Variants in SLC2A9 observed in about 807,000 individuals in gnomAD.
SLC2A9 encodes solute carrier family 2 member 9.
A neutral mutation model predicts 50.6 loss-of-function variants in SLC2A9; 39 were observed. The observed-to-expected ratio is 0.77, with a 90% confidence interval of 0.60 to 1.01. The LOEUF (loss-of-function observed/expected upper bound fraction) is 1.01. Ranked by LOEUF, SLC2A9 falls within the 50% of genes least tolerant of loss-of-function variation. The pLI is 0.00. For missense variants in SLC2A9, 686 were observed against 677.6 expected (o/e 1.01, Z -0.14); for synonymous variants, 324 against 276.9 (o/e 1.17, Z -1.69).
chr4:9,981,195 GTCATGATGGTGATGATGATGA>G (rs1755719697), intron 4 of SLC2A9, among the ~76,000 whole-genome samples: 2 of 19,316 alleles, frequency 1.0e-4, no homozygotes, highest in African/African-American at 1.9e-4. Context: ...GGTAGTGATG[GTCATGATGGTGATGATGATGA>G]TGGTGGTGGT....
intron 6 of SLC2A9, among the ~76,000 whole-genome samples, chr4:9,929,041 C>G (rs1745415275): frequency 6.6e-6 from 1 of 152,232 alleles, no homozygotes; most frequent in Non-Finnish European, 1.5e-5. Context: ...CCAGCCTTGT[C>G]ACCTGCTTCT....
chr4:9,786,875 G>A (rs1291350746), intron 3 of SLC2A9, among the ~76,000 whole-genome samples: 6 of 152,134 alleles, frequency 3.9e-5, no homozygotes, highest in East Asian at 1.9e-4. Context: ...GCCATCTTGC[G>A]GGTAGAGGCC....
intron 10 of SLC2A9, among the ~76,000 whole-genome samples, chr4:9,840,643 C>T (rs1010790499): frequency 1.3e-5 from 2 of 152,078 alleles, no homozygotes; most frequent in African/African-American, 4.8e-5. Flanking sequence ...AAGATTGGGG[C>T]TACTTGGGAT....
intron 3 of SLC2A9, among the ~76,000 whole-genome samples, chr4:9,986,410 C>A (rs984258513): frequency 7.2e-5 from 11 of 152,196 alleles, no homozygotes; most frequent in Non-Finnish European, 2.9e-5. Context: ...GCAGGAAACT[C>A]AGACAAACAT....
At chr4:10,032,098 G>A (rs1763956451) in intron 1 of SLC2A9, among the ~76,000 whole-genome samples, 2 of 152,194 alleles carry the variant, frequency 1.3e-5, no homozygotes, top group South Asian at 4.1e-4. Context: ...CCAACAAGGT[G>A]GGAAAAGTCC....
At chr4:9,859,124 C>T (rs1223459668) in intron 10 of SLC2A9, among the ~76,000 whole-genome samples, 8 of 152,228 alleles carry the variant, frequency 5.3e-5, no homozygotes, top group African/African-American at 1.9e-4. Context: ...CACTGGCTTC[C>T]TTGTGCCTCA....
At chr4:9,816,732 G>A (rs1313462478) in intron 3 of SLC2A9, among the ~76,000 whole-genome samples, 1 of 151,862 alleles carries the variant, frequency 6.6e-6, no homozygotes, top group Non-Finnish European at 1.5e-5. Context: ...ATACTTCAAT[G>A]TAGCTGAAAA....
At chr4:9,793,532 T>C (rs1720226292) in intron 3 of SLC2A9, among the ~76,000 whole-genome samples, 1 of 152,212 alleles carries the variant, frequency 6.6e-6, no homozygotes, top group Admixed American at 6.5e-5. Flanking sequence ...GATAGAACAT[T>C]GTTGAATTAT....
chr4:10,025,204 A>G (rs966083350), upstream of SLC2A9, among the ~76,000 whole-genome samples: 1 of 152,202 alleles, frequency 6.6e-6, no homozygotes. Context: ...TTCCACACCC[A>G]TCACAGGAGG....
At chr4:9,848,634 C>T (rs1288293691) in intron 10 of SLC2A9, among the ~76,000 whole-genome samples, 1 of 151,666 alleles carries the variant, frequency 6.6e-6, no homozygotes, top group Non-Finnish European at 1.5e-5. Flanking sequence ...CAGATGTTTG[C>T]TGAATGTGCA....
intron 10 of SLC2A9, among the ~76,000 whole-genome samples, chr4:9,882,194 TG>T (rs772570651): frequency 2.0e-5 from 3 of 152,188 alleles, no homozygotes; most frequent in Non-Finnish European, 4.4e-5. Flanking sequence ...CAAACAGGAC[TG>T]ATTTATGAGG....
chr4:9,881,910 G>A (rs55721900), intron 10 of SLC2A9, among the ~76,000 whole-genome samples: 17,368 of 152,182 alleles, frequency 0.11, 1,148 homozygotes, highest in African/African-American at 0.15. Flanking sequence ...TCCCTCCAGC[G>A]CTGAAGTCAT....
At chr4:9,783,448 G>T in intron 3 of SLC2A9, 1 of 1,608,152 alleles carries the variant, frequency 6.2e-7, no homozygotes, top group Non-Finnish European at 8.5e-7. Context: ...CTTTCACCCC[G>T]AATGGATTCC....
At chr4:9,955,499 A>C in intron 5 of SLC2A9, among the ~76,000 whole-genome samples, 1 of 41,594 alleles carries the variant, frequency 2.4e-5, no homozygotes, top group Non-Finnish European at 4.6e-5. Context: ...CGTCTCAAAA[A>C]AAAAAAAAAA....
chr4:9,963,918 A>G (rs1041020905), intron 5 of SLC2A9, among the ~76,000 whole-genome samples: 1 of 152,138 alleles, frequency 6.6e-6, no homozygotes, highest in Non-Finnish European at 1.5e-5. Flanking sequence ...TCATTTAACA[A>G]ACACCCAACA....
At chr4:9,905,652 A>G (rs1740529426) in intron 8 of SLC2A9, among the ~76,000 whole-genome samples, 1 of 152,208 alleles carries the variant, frequency 6.6e-6, no homozygotes, top group Non-Finnish European at 1.5e-5. Context: ...CATCGGGATG[A>G]GAAGGAGTGG....
chr4:9,869,252 G>A (rs565440575), intron 10 of SLC2A9, among the ~76,000 whole-genome samples: 6 of 152,246 alleles, frequency 3.9e-5, no homozygotes, highest in East Asian at 1.9e-4. Flanking sequence ...ATCAACCTCC[G>A]TCTCCACCCA....
At chr4:9,911,697 T>C (rs1274247257) in intron 7 of SLC2A9, among the ~76,000 whole-genome samples, 1 of 152,364 alleles carries the variant, frequency 6.6e-6, no homozygotes, top group South Asian at 2.1e-4. Context: ...GGAATCTCTG[T>C]TCTCCAAAGA....
At chr4:10,008,227 A>C (rs1322829192) in intron 2 of SLC2A9, among the ~76,000 whole-genome samples, 4 of 152,232 alleles carry the variant, frequency 2.6e-5, no homozygotes, top group Non-Finnish European at 4.4e-5. Flanking sequence ...TTATGAAATG[A>C]GAAAATTCTA....
Sources: allele counts gnomAD v4.1 joint callset (sites outside exome capture counted in the v4.1 genomes callset), GRCh38; gene constraint gnomAD v4.1.1; transcripts MANE v1.5; gene names NCBI Gene and HGNC (gene_info 2026-07-23, HGNC 2026-07-21).